Variants in MYH10 observed in about 807,000 individuals in gnomAD.
The protein encoded by MYH10 is myosin heavy chain 10.
Under a neutral mutation model 257.8 loss-of-function variants are expected in MYH10, and 55 were observed. That is an observed-to-expected ratio of 0.21 (90% confidence interval 0.17 to 0.27). MYH10 has a LOEUF of 0.27. Ranked by LOEUF, MYH10 falls within the 10% of genes least tolerant of loss-of-function variation. The probability of loss-of-function intolerance (pLI) is 1.00; values close to 1 mark genes in which losing one functional copy is unlikely to be tolerated. For missense variants in MYH10, 1,631 were observed against 2,500.6 expected (o/e 0.65, Z 7.42); for synonymous variants, 854 against 921.7 (o/e 0.93, Z 1.33).
chr17:8,587,359 T>C (rs1354724598), intron 4 of MYH10, among the ~76,000 whole-genome samples: 2 of 152,120 alleles, frequency 1.3e-5, no homozygotes, highest in African/African-American at 4.8e-5. Context: ...TCCTCAAGGC[T>C]AAACAATGCT....
At chr17:8,513,020 T>G (rs187190596) in intron 23 of MYH10, among the ~76,000 whole-genome samples, 1 of 152,226 alleles carries the variant, frequency 6.6e-6, no homozygotes, top group South Asian at 2.1e-4. Context: ...TGGCCTTTAT[T>G]GTTAATATTT....
At chr17:8,491,946 C>T (rs1448045947) in intron 34 of MYH10, among the ~76,000 whole-genome samples, 1 of 152,216 alleles carries the variant, frequency 6.6e-6, no homozygotes, top group Non-Finnish European at 1.5e-5. Context: ...CAGGTCCCCA[C>T]TCACCTCATG....
chr17:8,590,779 G>A (rs2084097984), intron 3 of MYH10, among the ~76,000 whole-genome samples: 1 of 151,536 alleles, frequency 6.6e-6, no homozygotes, highest in Non-Finnish European at 1.5e-5. Context: ...AGAACCACTG[G>A]GATATCTCCT....
At chr17:8,513,393 T>C in intron 23 of MYH10, 145 bp downstream of exon 23, 1 of 1,284,032 alleles carries the variant, frequency 7.8e-7, no homozygotes. Flanking sequence ...TATATACAAT[T>C]TGGAAATGAG....
chr17:8,613,995 A>T (rs1402797347), intron 2 of MYH10, among the ~76,000 whole-genome samples: 1 of 152,242 alleles, frequency 6.6e-6, no homozygotes, highest in Non-Finnish European at 1.5e-5. Context: ...ATGATTTGCC[A>T]GAAAGACATC....
intron 6 of MYH10, among the ~76,000 whole-genome samples, chr17:8,573,345 C>G (rs1480745261): frequency 6.6e-6 from 1 of 152,188 alleles, no homozygotes; most frequent in Non-Finnish European, 1.5e-5. Flanking sequence ...CAGCAACCAA[C>G]CACATGTTGA....
chr17:8,574,721 T>TA (rs2083449274), intron 6 of MYH10, among the ~76,000 whole-genome samples: 2 of 152,228 alleles, frequency 1.3e-5, no homozygotes, highest in African/African-American at 4.8e-5. Flanking sequence ...AAGTTCAATG[T>TA]AAAATCACAA....
chr17:8,573,304 G>A (rs1426588515), intron 6 of MYH10, among the ~76,000 whole-genome samples: 1 of 152,206 alleles, frequency 6.6e-6, no homozygotes, highest in Non-Finnish European at 1.5e-5. Flanking sequence ...GCCTGGCAGG[G>A]CAGAGCTGCA....
chr17:8,626,843 G>A (rs918145967), intron 1 of MYH10, among the ~76,000 whole-genome samples: 12 of 152,088 alleles, frequency 7.9e-5, no homozygotes, highest in African/African-American at 2.9e-4. Flanking sequence ...CTTGCTGTCA[G>A]TAGACACGCA....
At chr17:8,624,951 A>C (rs2085616681) in intron 1 of MYH10, among the ~76,000 whole-genome samples, 1 of 152,136 alleles carries the variant, frequency 6.6e-6, no homozygotes, top group African/African-American at 2.4e-5. Context: ...ACTACTACTA[A>C]TAATTTACTA....
intron 2 of MYH10, among the ~76,000 whole-genome samples, chr17:8,613,111 G>A (rs1032532690): frequency 1.3e-5 from 2 of 152,100 alleles, no homozygotes; most frequent in Non-Finnish European, 2.9e-5. Flanking sequence ...TGACCTTCAA[G>A]GGAACAACAA....
chr17:8,597,620 A>ATT (rs5819201), intron 3 of MYH10, among the ~76,000 whole-genome samples: 139,986 of 145,828 alleles, frequency 0.96, 67,382 homozygotes, highest in Non-Finnish European at 0.99. Context: ...TAGTTTACTC[A>ATT]TTTTTTTTTT....
intron 2 of MYH10, among the ~76,000 whole-genome samples, chr17:8,622,341 G>A (rs1319956428): frequency 6.6e-6 from 1 of 151,992 alleles, no homozygotes; most frequent in South Asian, 2.1e-4. Context: ...TGACAAAGTC[G>A]GTGACTCCAA....
chr17:8,577,679 AC>A (rs1301527993), intron 4 of MYH10, among the ~76,000 whole-genome samples: 1 of 152,166 alleles, frequency 6.6e-6, no homozygotes, highest in African/African-American at 2.4e-5. Context: ...TTACATGCAC[AC>A]ACCACCATGC....
chr17:8,605,896 T>C (rs530200654), intron 2 of MYH10, among the ~76,000 whole-genome samples: 2 of 152,332 alleles, frequency 1.3e-5, no homozygotes, highest in African/African-American at 4.8e-5. Context: ...ATTCCAGCTA[T>C]GTTTGGTTAA....
Position 8,485,945 on chromosome 17 carries a change from C to T in MYH10, c.5046+1488G>A, listed in dbSNP as rs1234619100. On this transcript the variant is annotated intron_variant, in intron 36 of 42. Coordinates refer to ENST00000360416, the MANE Select transcript of MYH10 (RefSeq NM_001256012.3). ...CCCAAATGTCCAACTGGGGGATAGA[C>T]GAGTAAAATGTGGTAGATGTATCCA... 1.2e-4 allele frequency among the ~76,000 whole-genome samples: 18 copies of T among 152,118 alleles called. No individual in the cohort carries two copies. The South Asian group carries it at 2.9e-3, about 24-fold the overall frequency.
intron 36 of MYH10, among the ~76,000 whole-genome samples, chr17:8,486,029 T>C (rs992445330): frequency 2.6e-5 from 4 of 152,216 alleles, no homozygotes; most frequent in African/African-American, 9.6e-5. Context: ...TGTGGCTACA[T>C]GGATGAACTT....
At chr17:8,530,927 T>C (rs2081988077) in intron 16 of MYH10, among the ~76,000 whole-genome samples, 1 of 152,226 alleles carries the variant, frequency 6.6e-6, no homozygotes, top group Admixed American at 6.5e-5. Context: ...GTGAGCATTA[T>C]ATGATATCAA....
chr17:8,587,323 G>A (rs889722902), intron 4 of MYH10, among the ~76,000 whole-genome samples: 1 of 152,166 alleles, frequency 6.6e-6, no homozygotes, highest in Non-Finnish European at 1.5e-5. Context: ...GTGATTTGCT[G>A]TTCAGGAAAA....
Sources: gnomAD v4.1 joint callset for allele counts (sites outside exome capture counted in the v4.1 genomes callset) on GRCh38, gnomAD v4.1.1 for gene constraint, MANE v1.5 for transcripts, NCBI Gene and HGNC (gene_info 2026-07-23, HGNC 2026-07-21) for gene names.